Variants in PROKR2 observed in about 807,000 individuals in gnomAD.
The protein encoded by PROKR2 is G protein-coupled receptor 73-like 1.
In PROKR2, 26 loss-of-function variants were observed where a neutral mutation model predicts 23.4. The ratio of observed to expected loss-of-function variants is 1.11; its 90% confidence interval spans 0.81 to 1.54. The LOEUF (loss-of-function observed/expected upper bound fraction) is 1.54, where lower values mean the gene tolerates loss of function less well. Among genes scored for constraint, PROKR2 ranks in the 40% most tolerant of loss-of-function variants. The pLI is 0.00. For missense variants in PROKR2, 453 were observed against 511.5 expected, an observed-to-expected ratio of 0.89 and a Z score of 1.10; for synonymous variants, 212 against 201.2, an observed-to-expected ratio of 1.05 and a Z score of -0.45.
intron 2 of PROKR2, among the ~76,000 whole-genome samples, chr20:5,305,747 C>T (rs147843233): frequency 3.9e-5 from 6 of 152,288 alleles, no homozygotes; most frequent in African/African-American, 1.4e-4. Flanking sequence ...CTCTACAGCA[C>T]TGGCTGTCTG....
In PROKR2 at chr20:5,314,150, A is replaced by C. The variant is rs1229245355; in HGVS notation, c.220T>G (p.Phe74Val). Residue 74 changes from phenylalanine to valine, a missense_variant, in exon 2 of 3, where the codon TTT (phenylalanine) becomes GTT (valine). Physicochemically the swap from Phe to Val is conservative, Grantham distance 50. Transcript: ENST00000678254. ...MLVCGIGNFVFIAALTRYKKL... is the reference protein window; with the variant it reads ...MLVCGIGNFVVIAALTRYKKL... The stretch of plus-strand genomic sequence containing the variant: ...TTATAGCGGGTGAGGGCAGCGATAA[A>C]GACAAAGTTACCGATGCCGCAGACC... 14 of 1,614,076 alleles carry C rather than the reference A, an allele frequency of 8.7e-6. No individual in the cohort carries two copies. Among genetic ancestry groups the C allele is most frequent in the African/African-American group, 1.3e-5 (1 of 74,928 alleles).
intron 1 of PROKR2, among the ~76,000 whole-genome samples, chr20:5,314,755 G>T (rs2122224105): frequency 6.6e-6 from 1 of 152,318 alleles, no homozygotes; most frequent in Middle Eastern, 3.4e-3. Flanking sequence ...TTGCCCAGGG[G>T]CCAGGGCCTC....
intron 2 of PROKR2, among the ~76,000 whole-genome samples, chr20:5,309,839 T>C (rs6053285): frequency 0.51 from 77,577 of 152,062 alleles, 20,094 homozygotes; most frequent in African/African-American, 0.61. Context: ...CATTTCTCCT[T>C]ATTCTGTTGT....
At chr20:5,310,602 C>A (rs187596911) in intron 2 of PROKR2, among the ~76,000 whole-genome samples, 207 of 53,872 alleles carry the variant, frequency 3.8e-3, no homozygotes, top group African/African-American at 0.018. Context: ...CTTACTCTTT[C>A]TCCCTATCCT....
In PROKR2 at chr20:5,302,706, T is replaced by TGGTTTCAA. The variant is rs1439817754; in HGVS notation, c.481_488dup (p.Arg164Ter). On this transcript the variant is annotated stop_gained and frameshift_variant, in exon 3 of 3. Coordinates refer to ENST00000678254, the MANE Select transcript of PROKR2 (RefSeq NM_144773.4). LOFTEE classifies it high-confidence loss of function. ...AGGAGGCCGTTTGATAATTCATCCG[T>TGGTTTCAA]GGTTTCAAGGGGTGAACGATGGCGA... 6.2e-7 allele frequency: 1 copy of TGGTTTCAA among 1,614,004 alleles called. No homozygotes were observed. The highest frequency in any genetic ancestry group is 8.5e-7 in the Non-Finnish European group (1 of 1,179,924).
Position 5,301,429 on chromosome 20 carries a change from A to C in PROKR2, c.*611T>G. 6.6e-6 allele frequency among the ~76,000 whole-genome samples: 1 copy of C among 152,108 alleles called. No individual in the cohort carries two copies. Among genetic ancestry groups the C allele is most frequent in the East Asian group, 1.9e-4 (1 of 5,192 alleles). On this transcript the variant is annotated 3_prime_UTR_variant, in exon 3 of 3. Coordinates refer to ENST00000678254, the MANE Select transcript of PROKR2 (RefSeq NM_144773.4). ...GTATTTTTAGTAGAGACAGGGTTTC[A>C]CCATGTTGGCCAGCCTGGGTTGAAC...
intron 1 of PROKR2, chr20:5,315,851 T>A (rs1212359395): frequency 2.2e-6 from 1 of 456,464 alleles, no homozygotes; most frequent in Non-Finnish European, 4.4e-6. Flanking sequence ...TGGGGAGTCC[T>A]ACCCCTCCTC....
chr20:5,315,559 G>T (rs1381618478), intron 1 of PROKR2, among the ~76,000 whole-genome samples: 1 of 152,076 alleles, frequency 6.6e-6, no homozygotes, highest in Non-Finnish European at 1.5e-5. Flanking sequence ...ACATGTGGGC[G>T]CCGCGGGATG....
chr20:5,309,757 C>G (rs1012348338), intron 2 of PROKR2, among the ~76,000 whole-genome samples: 2 of 149,368 alleles, frequency 1.3e-5, no homozygotes, highest in Admixed American at 6.7e-5. Context: ...AAATTCACAA[C>G]TTTATAGCTC....
In PROKR2 at chr20:5,299,490, C is replaced by T. The variant is rs559029392; in HGVS notation, c.*2550G>A. On this transcript the variant is annotated 3_prime_UTR_variant, in exon 3 of 3. Coordinates refer to ENST00000678254, the MANE Select transcript of PROKR2 (RefSeq NM_144773.4). ...CAATTATTATATTTATAGAAATGTA[C>T]ATAACCTAAAATTGTTACTTGCTTG... Among the ~76,000 whole-genome samples the T allele has an allele frequency of 6.6e-6, 1 of 151,434 alleles. No homozygotes were observed. The highest frequency in any genetic ancestry group is 6.6e-5 in the Admixed American group (1 of 15,260).
intron 2 of PROKR2, among the ~76,000 whole-genome samples, chr20:5,304,600 G>T (rs916474153): frequency 1.3e-5 from 2 of 152,216 alleles, no homozygotes; most frequent in Non-Finnish European, 2.9e-5. Context: ...AGATGCACAA[G>T]TGGTCATGCA....
At chr20:5,312,318 G>A (rs192808996) in intron 2 of PROKR2, among the ~76,000 whole-genome samples, 6 of 152,276 alleles carry the variant, frequency 3.9e-5, no homozygotes, top group African/African-American at 9.6e-5. Context: ...TGCTGGCCAG[G>A]CTGGTCTCAA....
intron 2 of PROKR2, among the ~76,000 whole-genome samples, chr20:5,313,548 GA>G (rs1392073593): frequency 1.3e-5 from 2 of 152,252 alleles, no homozygotes; most frequent in Non-Finnish European, 2.9e-5. Flanking sequence ...GTGGCTACAG[GA>G]AAAGCCTAGT....
intron 2 of PROKR2, among the ~76,000 whole-genome samples, chr20:5,308,790 C>A (rs148443874): frequency 2.6e-4 from 40 of 152,362 alleles, no homozygotes; most frequent in Non-Finnish European, 5.7e-4. Context: ...AAGTCTCTGA[C>A]TGGACTAAGA....
Position 5,300,346 on chromosome 20 carries a change from C to A in PROKR2, c.*1694G>T, listed in dbSNP as rs752582740. On this transcript the variant is annotated 3_prime_UTR_variant, in exon 3 of 3. Coordinates refer to ENST00000678254, the MANE Select transcript of PROKR2 (RefSeq NM_144773.4). The stretch of plus-strand genomic sequence containing the variant: ...GAGGTTAAATTTCCCAGATTATAAC[C>A]AAGAACAGGGATCCCTTTTTGGCCC... 1.3e-5 allele frequency among the ~76,000 whole-genome samples: 2 copies of A among 152,142 alleles called. No homozygotes were observed. The highest frequency in any genetic ancestry group is 2.4e-5 in the African/African-American group (1 of 41,436).
rs1388583322 is a variant in PROKR2, at chr20:5,316,580, C to T, written c.-95G>A. The T allele has an allele frequency of 1.2e-5, 4 of 336,052 alleles. No individual in the cohort carries two copies. Among genetic ancestry groups the T allele is most frequent in the South Asian group, 2.3e-5 (1 of 43,784 alleles). 20.8% of individuals were successfully genotyped at this position (336,052 alleles called of 1,614,324 possible). On this transcript the variant is annotated 5_prime_UTR_variant, in exon 1 of 3. Coordinates refer to ENST00000678254, the MANE Select transcript of PROKR2 (RefSeq NM_144773.4). The surrounding 1 kb of genome is among the most constrained non-coding windows in gnomAD (Gnocchi z 5.0). ...TGTGGTTGGGCGCAGGCGGGCCGCT[C>T]GGTTTTCACCTCGAGGACCCGGACT...
In PROKR2 at chr20:5,314,056, A is replaced by T. The variant is rs1979550043; in HGVS notation, c.314T>A (p.Ile105Asn). 1 of 1,614,108 alleles carries T rather than the reference A, an allele frequency of 6.2e-7. No individual in the cohort carries two copies. The highest frequency in any genetic ancestry group is 1.1e-5 in the South Asian group (1 of 91,088). The change falls in exon 2 of 3, where the codon ATC (isoleucine) becomes AAC (asparagine). Residue 105 changes from isoleucine (I) to asparagine (N), a missense_variant. By Grantham distance (149) the Ile-to-Asn change is moderately radical. Transcript: ENST00000678254. ...GTAGTCCATCTCGAAGGGGCAGCAG[A>T]TGATGGCCACCAGGAAGTCGGAGAT... ...LAISDFLVAIICCPFEMDYYV... is the reference protein window; with the variant it reads ...LAISDFLVAINCCPFEMDYYV...
At position 5,302,625 on chromosome 20, in the gene PROKR2, G is replaced by A. The variant is rs1175125794; in HGVS notation, c.570C>T (p.Tyr190=). 1 of 1,614,082 alleles carries A rather than the reference G, an allele frequency of 6.2e-7. No individual in the cohort carries two copies. The highest frequency in any genetic ancestry group is 1.3e-5 in the African/African-American group (1 of 74,926). The change falls in exon 3 of 3, where the codon TAC becomes TAT. Residue 190 remains tyrosine, a synonymous_variant. Transcript: ENST00000678254. The part of the protein sequence containing the change: ...VSILIAIPSA[Y]FATETVLFIV... The stretch of plus-strand genomic sequence containing the variant: ...TAAAGAGGACCGTTTCTGTTGCAAA[G>A]TAAGCCGATGGGATGGCAATGAGAA...
In PROKR2 at chr20:5,302,345, A is replaced by G; in HGVS notation, c.850T>C (p.Tyr284His). ...TAGAAGGGTGCCCAGCACAGCACAT[A>G]GGCCGTGAGAATGCACATGAGCACC... Reference protein sequence around the residue: ...VLVLMCILTAYVLCWAPFYGF... With the variant: ...VLVLMCILTAHVLCWAPFYGF... The change falls in exon 3 of 3, where the codon TAT (tyrosine) becomes CAT (histidine). Residue 284 changes from tyrosine (Y) to histidine (H), a missense_variant. Transcript: ENST00000678254. The G allele has an allele frequency of 6.2e-7, 1 of 1,614,242 alleles. No homozygotes were observed. The highest frequency in any genetic ancestry group is 8.5e-7 in the Non-Finnish European group (1 of 1,180,046).
Sources: allele counts gnomAD v4.1 joint callset (sites outside exome capture counted in the v4.1 genomes callset), GRCh38; gene constraint gnomAD v4.1.1; non-coding constraint Gnocchi (gnomAD v3.1); transcripts MANE v1.5; gene names NCBI Gene and HGNC (gene_info 2026-07-23, HGNC 2026-07-21).